PPP1R1C: variants seen among roughly 807,000 people sequenced by gnomAD.
The protein encoded by PPP1R1C is protein phosphatase 1 regulatory subunit 1C.
Under a neutral mutation model 17.4 loss-of-function variants are expected in PPP1R1C, and 15 were observed. That is an observed-to-expected ratio of 0.86 (90% CI 0.58 to 1.33). The LOEUF (loss-of-function observed/expected upper bound fraction) is 1.33. PPP1R1C is among the 40% of genes most tolerant of loss of function. PPP1R1C has a pLI of 0.00. For synonymous variants in PPP1R1C, 35 were observed against 43.1 expected (o/e 0.81, Z 0.73); for missense variants, 143 against 130.0 (o/e 1.10, Z -0.48).
chr2:182,056,280 A>G (rs1166016342), intron 2 of PPP1R1C, among the ~76,000 whole-genome samples: 1 of 152,184 alleles, frequency 6.6e-6, no homozygotes, highest in Non-Finnish European at 1.5e-5. Context: ...GCCTCAGTCG[A>G]CTTCTGGATC....
chr2:182,086,683 T>C (rs1164218461), intron 4 of PPP1R1C, among the ~76,000 whole-genome samples: 1 of 152,218 alleles, frequency 6.6e-6, no homozygotes, highest in African/African-American at 2.4e-5. Context: ...TATGAGAGAC[T>C]GTTTTACACC....
intron 2 of PPP1R1C, among the ~76,000 whole-genome samples, chr2:182,023,212 G>A (rs991326817): frequency 1.3e-5 from 2 of 152,106 alleles, no homozygotes; most frequent in African/African-American, 4.8e-5. Flanking sequence ...GTAACAACAT[G>A]ACTCTCATGA....
chr2:182,020,882 A>G (rs950217858), intron 2 of PPP1R1C, among the ~76,000 whole-genome samples: 2 of 152,164 alleles, frequency 1.3e-5, no homozygotes, highest in Admixed American at 1.3e-4. Flanking sequence ...ACCCACTTCA[A>G]TTTGGCTTTC....
In PPP1R1C at chr2:182,028,560, C is replaced by A. The variant is rs528237365; in HGVS notation, c.143-32882C>A. ...TTAATCCTGAGTTCTAGTTTGATTG[C>A]ATTGTGGTCTGAGAGATAGTTTGTT... is the stretch of plus-strand genomic sequence containing the variant. On this transcript the variant is annotated intron_variant, in intron 2 of 4. Coordinates refer to ENST00000682840, the MANE Select transcript of PPP1R1C (RefSeq NM_001080545.3). Among the ~76,000 whole-genome samples the A allele has an allele frequency of 1.1e-3, 168 of 152,194 alleles. 1 individual carries two copies. The highest frequency in any genetic ancestry group is 3.9e-3 in the African/African-American group (161 of 41,456).
At chr2:181,996,525 G>A (rs1025721138) in intron 2 of PPP1R1C, among the ~76,000 whole-genome samples, 1 of 152,156 alleles carries the variant, frequency 6.6e-6, no homozygotes. Context: ...AGAATAATTT[G>A]ATATAGTAAA....
chr2:181,960,719 C>A (rs1054404379), intron 1 of PPP1R1C, among the ~76,000 whole-genome samples: 1 of 152,226 alleles, frequency 6.6e-6, no homozygotes, highest in African/African-American at 2.4e-5. Flanking sequence ...TTACAGGCAA[C>A]TGTGTCAGGC....
At chr2:182,063,614 G>A in intron 3 of PPP1R1C, 117 bp from the exon 4 acceptor site, 1 of 781,794 alleles carries the variant, frequency 1.3e-6, no homozygotes, top group Non-Finnish European at 2.3e-6. Flanking sequence ...TTTCATGACA[G>A]GGAGAAATCA....
chr2:181,961,854 C>T lies in PPP1R1C; in HGVS notation n.111+7220C>T. On this transcript the variant is annotated intron_variant and non_coding_transcript_variant, in intron 1 of 5. Transcript: ENST00000464264. This position sits in a 1 kb window ranked among gnomAD's most constrained non-coding sequence, Gnocchi z 5.8. Reference sequence around the variant, plus strand: ...CGTGGTTCTTCTTCATGAAGAGCAGCTCCTCCTTGAGAGCCTCCATCTCTG... The same window carrying T: ...CGTGGTTCTTCTTCATGAAGAGCAGTTCCTCCTTGAGAGCCTCCATCTCTG... 1 of 887,174 alleles carries T rather than the reference C, an allele frequency of 1.1e-6. No individual in the cohort carries two copies. Among genetic ancestry groups the T allele is most frequent in the South Asian group, 1.3e-5 (1 of 76,920 alleles). 55.0% of individuals were successfully genotyped at this position (887,174 alleles called of 1,614,324 possible).
chr2:182,009,497 G>A (rs181712729), intron 2 of PPP1R1C, among the ~76,000 whole-genome samples: 1 of 152,112 alleles, frequency 6.6e-6, no homozygotes, highest in African/African-American at 2.4e-5. Context: ...CTATACTGTT[G>A]CTTGAGTTCC....
chr2:182,106,643 G>T (rs1056384646), intron 4 of PPP1R1C, among the ~76,000 whole-genome samples: 2 of 152,194 alleles, frequency 1.3e-5, no homozygotes, highest in African/African-American at 4.8e-5. Context: ...TGGTACACTT[G>T]GGCAAGAATC....
chr2:182,077,597 A>G (rs1688351415), intron 4 of PPP1R1C, among the ~76,000 whole-genome samples: 1 of 152,186 alleles, frequency 6.6e-6, no homozygotes, highest in East Asian at 1.9e-4. Context: ...TACTCAATAG[A>G]CCAGAGCAGA....
At chr2:181,978,228 A>G in intron 2 of PPP1R1C, among the ~76,000 whole-genome samples, 1 of 152,200 alleles carries the variant, frequency 6.6e-6, no homozygotes, top group East Asian at 1.9e-4. Context: ...CCTGCCCTTA[A>G]CACATGGGGA....
At chr2:181,995,588 A>T (rs536016584) in intron 2 of PPP1R1C, among the ~76,000 whole-genome samples, 1 of 152,364 alleles carries the variant, frequency 6.6e-6, no homozygotes, top group African/African-American at 2.4e-5. Flanking sequence ...GTAGCTTAAC[A>T]GTTGTTCAGT....
intron 2 of PPP1R1C, among the ~76,000 whole-genome samples, chr2:182,010,870 T>C (rs923994268): frequency 6.6e-6 from 1 of 152,116 alleles, no homozygotes; most frequent in African/African-American, 2.4e-5. Context: ...TCATCATCAA[T>C]TGCAATGATC....
In PPP1R1C at chr2:181,962,089, G is replaced by C; in HGVS notation, n.111+7455G>C. The C allele has an allele frequency of 1.4e-6, 1 of 722,138 alleles. No homozygotes were observed. Among genetic ancestry groups the C allele is most frequent in the Non-Finnish European group, 2.6e-6 (1 of 391,178 alleles). The allele number at this position is 722,138 out of a possible 1,614,324, so 44.7% of individuals were successfully genotyped here. A position where few individuals can be genotyped will look rare whatever the true frequency, so the allele number is the denominator to read the frequency against. On this transcript the variant is annotated intron_variant and non_coding_transcript_variant, in intron 1 of 5. Coordinates refer to the PPP1R1C transcript ENST00000464264. This position sits in a 1 kb window ranked among gnomAD's most constrained non-coding sequence, Gnocchi z 6.0. ...GAACCCTCAGGTCCTCGATGGTCTTGAGGTAATGACTCCAGTCTCTGACCT... is the reference window on the plus strand; with the variant it reads ...GAACCCTCAGGTCCTCGATGGTCTTCAGGTAATGACTCCAGTCTCTGACCT...
intron 4 of PPP1R1C, among the ~76,000 whole-genome samples, chr2:182,084,384 A>AT (rs1688569317): frequency 6.6e-6 from 1 of 151,964 alleles, no homozygotes; most frequent in African/African-American, 2.4e-5. Flanking sequence ...TTATTTTAAG[A>AT]TTTTTATGAT....
intron 4 of PPP1R1C, among the ~76,000 whole-genome samples, chr2:182,078,178 T>G (rs1259251826): frequency 6.6e-6 from 1 of 152,142 alleles, no homozygotes; most frequent in Non-Finnish European, 1.5e-5. Flanking sequence ...CTGAGCCCCT[T>G]AGGAGAAAAA....
At chr2:182,080,074 C>G (rs1232807744) in intron 4 of PPP1R1C, among the ~76,000 whole-genome samples, 1 of 152,226 alleles carries the variant, frequency 6.6e-6, no homozygotes, top group African/African-American at 2.4e-5. Flanking sequence ...ACATACCTCA[C>G]TGGTTTTGAG....
intron 2 of PPP1R1C, among the ~76,000 whole-genome samples, chr2:182,039,018 G>T (rs1023397438): frequency 2.0e-5 from 3 of 152,160 alleles, no homozygotes; most frequent in Non-Finnish European, 4.4e-5. Context: ...ACACAGAAAG[G>T]ATCCTTGCTT....
Sources: allele counts gnomAD v4.1 joint callset (sites outside exome capture counted in the v4.1 genomes callset), GRCh38; gene constraint gnomAD v4.1.1; non-coding constraint Gnocchi (gnomAD v3.1); transcripts MANE v1.5; gene names NCBI Gene and HGNC (gene_info 2026-07-23, HGNC 2026-07-21).